Variants in CC2D1B observed in about 807,000 individuals in gnomAD.
The protein encoded by CC2D1B is coiled-coil and C2 domain-containing protein 1B.
In CC2D1B, 92 loss-of-function variants were observed where a neutral mutation model predicts 110.8. That is an observed-to-expected ratio of 0.83 (90% CI 0.70 to 0.99). The LOEUF (loss-of-function observed/expected upper bound fraction) is 0.99. Among genes scored for constraint, CC2D1B ranks in the 50% least tolerant of loss-of-function variants. CC2D1B has a pLI of 0.00. For missense variants in CC2D1B, 1,136 were observed against 1,089.0 expected, an observed-to-expected ratio of 1.04 and a Z score of -0.61; for synonymous variants, 406 against 429.2, an observed-to-expected ratio of 0.95 and a Z score of 0.67.
intron 20 of CC2D1B, 44 bp downstream of exon 20, chr1:52,355,564 T>A (rs1307759452): frequency 6.2e-7 from 1 of 1,612,056 alleles, no homozygotes; most frequent in South Asian, 1.1e-5. Flanking sequence ...GGTCCTGGAA[T>A]GCAAGGCGGG....
In CC2D1B at chr1:52,361,570, C is replaced by A. The variant is rs765452754; in HGVS notation, c.261G>T (p.Met87Ile). Residue 87 changes from methionine to isoleucine, a missense_variant, in exon 4 of 25, where the codon ATG becomes ATT. Transcript: ENST00000284376. ...CCTCCTCCTCCTCCTCCACATCCCG[C>A]ATACAGTCTGCCGCCAACTTCTCGA... ...AHIEKLAADC[M>I]RDVEEEEEEE... 6.2e-7 allele frequency: 1 copy of A among 1,613,980 alleles called. No homozygotes were observed. The highest frequency in any genetic ancestry group is 2.2e-5 in the East Asian group (1 of 44,878).
Position 52,353,522 on chromosome 1 carries a change from C to CA in CC2D1B, c.2555dup (p.Leu852PhefsTer33). On this transcript the variant is annotated frameshift_variant, in exon 24 of 25. Coordinates refer to ENST00000284376, the MANE Select transcript of CC2D1B (RefSeq NM_001330585.2). LOFTEE classifies it high-confidence loss of function. ...AAGGCCCAGAGAGCTGCCCACCTCACAAGCCCCTGGGCTCCAGAACCAGCC... is the reference window on the plus strand; with the variant it reads ...AAGGCCCAGAGAGCTGCCCACCTCACAAAGCCCCTGGGCTCCAGAACCAGCC... 6.2e-7 allele frequency: 1 copy of CA among 1,611,232 alleles called. No individual in the cohort carries two copies. The highest frequency in any genetic ancestry group is 8.5e-7 in the Non-Finnish European group (1 of 1,179,064).
chr1:52,358,128 G>A (rs140740472), intron 13 of CC2D1B: 90 of 903,764 alleles, frequency 1.0e-4, no homozygotes, highest in African/African-American at 9.8e-4. Flanking sequence ...GGATGGAGCC[G>A]GGGCTCTGGG....
rs748988165 is a variant in CC2D1B, at chr1:52,356,181, G to C, written c.2054+5C>G. ...TGGAGCCCCTGTTTCCCTAGGCCTTGGTACCTCACAGTCTGGAATGTCTTC... is the reference window on the plus strand; with the variant it reads ...TGGAGCCCCTGTTTCCCTAGGCCTTCGTACCTCACAGTCTGGAATGTCTTC... On this transcript the variant is annotated splice_donor_5th_base_variant and intron_variant, in intron 18 of 24. Transcript: ENST00000284376. 2 of 1,608,604 alleles carry C rather than the reference G, an allele frequency of 1.2e-6. No individual in the cohort carries two copies. The highest frequency in any genetic ancestry group is 2.2e-5 in the East Asian group (1 of 44,834).
intron 1 of CC2D1B, among the ~76,000 whole-genome samples, chr1:52,365,347 C>CT (rs1164722477): frequency 6.6e-6 from 1 of 152,288 alleles, no homozygotes; most frequent in Non-Finnish European, 1.5e-5. Context: ...GAGGTGACCC[C>CT]TTCTTCAGCC....
Position 52,355,814 on chromosome 1 carries a change from C to T in CC2D1B, c.2085G>A (p.Met695Ile), listed in dbSNP as rs748719065. Reference protein sequence around the residue: ...RIFSELNSTEMHLIIVRGMNL... With the variant: ...RIFSELNSTEIHLIIVRGMNL... The stretch of plus-strand genomic sequence containing the variant: ...TCATTCCCCGGACAATGATCAGATG[C>T]ATTTCTGTGCTGTTGAGTTCTGAGA... The change falls in exon 19 of 25, where the codon ATG becomes ATA. Residue 695 changes from methionine (M) to isoleucine (I), a missense_variant. Coordinates refer to ENST00000284376, the MANE Select transcript of CC2D1B (RefSeq NM_001330585.2). 2 of 1,614,134 alleles carry T rather than the reference C, an allele frequency of 1.2e-6. No homozygotes were observed. Among genetic ancestry groups the T allele is most frequent in the Admixed American group, 1.7e-5 (1 of 60,014 alleles).
chr1:52,353,773 C>T (rs763388606), intron 23 of CC2D1B, 126 bp from the exon 24 acceptor site: 139 of 664,746 alleles, frequency 2.1e-4, no homozygotes, highest in Admixed American at 3.6e-4. Flanking sequence ...ACAGGAATCT[C>T]CATTCATGAA....
intron 3 of CC2D1B, among the ~76,000 whole-genome samples, chr1:52,362,238 A>G (rs561688366): frequency 6.6e-5 from 10 of 152,322 alleles, no homozygotes; most frequent in Admixed American, 2.6e-4. Flanking sequence ...CTCTGTTCTC[A>G]TCTGGGCTGT....
Position 52,364,563 on chromosome 1 carries a change from C to A in CC2D1B, c.58G>T (p.Ala20Ser), listed in dbSNP as rs747523838. 1.2e-6 allele frequency: 2 copies of A among 1,600,974 alleles called. No homozygotes were observed. The highest frequency in any genetic ancestry group is 8.5e-7 in the Non-Finnish European group (1 of 1,169,916). Residue 20 changes from alanine to serine, a missense_variant, in exon 2 of 25, where the codon GCT (alanine) becomes TCT (serine). Ala to Ser is a moderately conservative substitution (Grantham distance 99, BLOSUM62 1). Coordinates refer to ENST00000284376, the MANE Select transcript of CC2D1B (RefSeq NM_001330585.2). ...GPQARGQGVA[A>S]AKQMGLFMEF... Reference sequence around the variant, plus strand: ...GCTAAGTTCCATACCTGCTTGGCAGCGGCCACCCCTTGGCCTCTGGCCTGA... The same window carrying A: ...GCTAAGTTCCATACCTGCTTGGCAGAGGCCACCCCTTGGCCTCTGGCCTGA...
At chr1:52,362,151 G>A (rs1297088510) in intron 3 of CC2D1B, among the ~76,000 whole-genome samples, 15 of 152,188 alleles carry the variant, frequency 9.9e-5, no homozygotes, top group Admixed American at 9.2e-4. Context: ...GGTGGGGGAT[G>A]AGTGGGGGGA....
At position 52,357,602 on chromosome 1, in the gene CC2D1B, G is replaced by A; in HGVS notation, c.1676C>T (p.Ala559Val). Residue 559 changes from alanine to valine, a missense_variant, in exon 15 of 25, where the codon GCC (alanine) becomes GTC (valine). Transcript: ENST00000284376. Reference sequence around the variant, plus strand: ...AAGCCATTTGGCTACCCGCAGATAGGCTTTGGCCTGCTCCAGGTCCTGGCT... The same window carrying A: ...AAGCCATTTGGCTACCCGCAGATAGACTTTGGCCTGCTCCAGGTCCTGGCT... ...KRSQDLEQAK[A>V]YLRVAKWLEA... 1 of 1,588,302 alleles carries A rather than the reference G, an allele frequency of 6.3e-7. No individual in the cohort carries two copies. The highest frequency in any genetic ancestry group is 1.1e-5 in the South Asian group (1 of 87,624).
At chr1:52,354,563 C>CTTT in intron 23 of CC2D1B, 45 bp downstream of exon 23, 1 of 1,524,358 alleles carries the variant, frequency 6.6e-7, no homozygotes. Flanking sequence ...CGTATTGGCT[C>CTTT]TTGTCGTACC....
At chr1:52,354,219 G>C (rs1277096630) in intron 23 of CC2D1B, 1 of 384,152 alleles carries the variant, frequency 2.6e-6, no homozygotes, top group East Asian at 6.8e-5. Context: ...GTGTGCTACA[G>C]TGGGAAGAGC....
chr1:52,355,619 A>T lies in CC2D1B; in HGVS notation c.2176T>A (p.Tyr726Asn). 1 of 1,614,194 alleles carries T rather than the reference A, an allele frequency of 6.2e-7. No homozygotes were observed. ...LDAFVRFEFH[Y>N]PNSDQAQKSK... ...TACCTGAACCTCACCGAGTTAGGGT[A>T]GTGAAACTCAAACCGCACAAAAGCA... is the stretch of plus-strand genomic sequence containing the variant. The change falls in exon 20 of 25, where the codon TAC becomes AAC. Residue 726 changes from tyrosine to asparagine, a missense_variant. By Grantham distance (143) the Tyr-to-Asn change is moderately radical. Transcript: ENST00000284376.
rs769250860 is a variant in CC2D1B, at chr1:52,355,647, C to T, written c.2148G>A (p.Leu716=). ...PAPPGVTPDD[L]DAFVRFEFHY... ...GAAACTCAAACCGCACAAAAGCATCCAGGTCATCGGGAGTCACCCCTGGGA... is the reference window on the plus strand; with the variant it reads ...GAAACTCAAACCGCACAAAAGCATCTAGGTCATCGGGAGTCACCCCTGGGA... The change falls in exon 20 of 25, where the codon CTG becomes CTA. Residue 716 remains leucine (L), a synonymous_variant. Coordinates refer to ENST00000284376, the MANE Select transcript of CC2D1B (RefSeq NM_001330585.2). 2.1e-5 allele frequency: 34 copies of T among 1,614,166 alleles called. 1 individual carries two copies. In the South Asian group the frequency reaches 3.4e-4, roughly 16 times the overall value.
chr1:52,358,508 A>G (rs758812098), intron 12 of CC2D1B, 47 bp from the exon 13 acceptor site: 2 of 1,610,714 alleles, frequency 1.2e-6, no homozygotes, highest in Non-Finnish European at 8.5e-7. Flanking sequence ...AGCCTCAGAG[A>G]AGCACAAAGC....
At position 52,354,888 on chromosome 1, in the gene CC2D1B, T is replaced by TTTC. The variant is rs748147253; in HGVS notation, c.2290_2291insGAA (p.Phe763_Lys764insArg). ...GATGCCTTTGCTCTGGATCACCCTC[T>TTTC]TGAAGCCCCGGTGGTTTCGGTTGAT... On this transcript the variant is annotated inframe_insertion, in exon 22 of 25. Coordinates refer to ENST00000284376, the MANE Select transcript of CC2D1B (RefSeq NM_001330585.2). The TTTC allele has an allele frequency of 2.8e-5, 46 of 1,614,112 alleles. No individual in the cohort carries two copies. The South Asian group carries it at 4.1e-4, about 14-fold the overall frequency.
chr1:52,354,647 C>G lies in CC2D1B; in HGVS notation c.2391G>C (p.Glu797Asp). The change falls in exon 23 of 25, where the codon GAG becomes GAC. Residue 797 changes from glutamate to aspartate, a missense_variant. Transcript: ENST00000284376. ...KLVGTAHLKL[E>D]RLENECEIRE... ...TGATCTCACACTCATTCTCCAGCCG[C>G]TCCAGTTTCAGGTGTGCTGTGCCAA... The G allele has an allele frequency of 6.2e-7, 1 of 1,614,252 alleles. No individual in the cohort carries two copies. Among genetic ancestry groups the G allele is most frequent in the South Asian group, 1.1e-5 (1 of 91,084 alleles).
In CC2D1B at chr1:52,361,450, C is replaced by G. The variant is rs905330480; in HGVS notation, c.318+63G>C. The G allele has an allele frequency of 1.4e-5, 23 of 1,606,024 alleles. No homozygotes were observed. The African/African-American group carries it at 2.7e-4, about 19-fold the overall frequency. ...GGCACCCCCAGCCTCCTCTCCACTG[C>G]CCTCTCCTCCACCAGGCCCAAGCTT... is the stretch of plus-strand genomic sequence containing the variant. On this transcript the variant is annotated intron_variant, in intron 4 of 24. Transcript: ENST00000284376.
Sources: gnomAD v4.1 joint callset for allele counts (sites outside exome capture counted in the v4.1 genomes callset) on GRCh38, gnomAD v4.1.1 for gene constraint, MANE v1.5 for transcripts, NCBI Gene and HGNC (gene_info 2026-07-23, HGNC 2026-07-21) for gene names.